Variants in ROBO1 observed in about 807,000 individuals in gnomAD.
ROBO1 encodes roundabout guidance receptor 1.
Under a neutral mutation model 195.9 loss-of-function variants are expected in ROBO1, and 149 were observed. The ratio of observed to expected loss-of-function variants is 0.76; its 90% CI spans 0.67 to 0.87. ROBO1 has a LOEUF of 0.87. Ranked by LOEUF, ROBO1 falls within the 40% of genes least tolerant of loss-of-function variation. ROBO1 has a pLI of 0.00. For synonymous variants in ROBO1, 816 were observed against 733.2 expected (o/e 1.11, Z -1.82); for missense variants, 1,933 against 2,068.3 (o/e 0.93, Z 1.27).
At chr3:78,613,324 A>C (rs1412283122) in intron 28 of ROBO1, among the ~76,000 whole-genome samples, 1 of 152,174 alleles carries the variant, frequency 6.6e-6, no homozygotes, top group African/African-American at 2.4e-5. Flanking sequence ...CTAGATAATA[A>C]AATTTGATAA....
chr3:79,700,289 G>A (rs28882200), intron 1 of ROBO1, among the ~76,000 whole-genome samples: 1,644 of 24,276 alleles, frequency 0.068, 42 homozygotes, highest in African/African-American at 0.18. Context: ...TGATGAACAC[G>A]TGTGTGTGTG....
intron 2 of ROBO1, among the ~76,000 whole-genome samples, chr3:79,253,351 A>G (rs1457174447): frequency 2.0e-5 from 3 of 152,186 alleles, no homozygotes; most frequent in African/African-American, 7.2e-5. Context: ...TAAGGTAAAC[A>G]TACCCTGGAA....
chr3:79,252,478 T>C (rs1248427346), intron 2 of ROBO1, among the ~76,000 whole-genome samples: 1 of 152,182 alleles, frequency 6.6e-6, no homozygotes, highest in Non-Finnish European at 1.5e-5. Flanking sequence ...CAAGAAAAGA[T>C]TCTTCTGGAA....
chr3:78,766,375 C>T (rs554838065), intron 4 of ROBO1, among the ~76,000 whole-genome samples: 33 of 152,190 alleles, frequency 2.2e-4, no homozygotes, highest in Admixed American at 1.1e-3. Context: ...TGCTTTAGTA[C>T]CCCAACCCCA....
intron 1 of ROBO1, among the ~76,000 whole-genome samples, chr3:79,624,645 C>G (rs959373278): frequency 1.3e-5 from 2 of 151,924 alleles, no homozygotes; most frequent in Non-Finnish European, 2.9e-5. Context: ...ACAAGAAGAG[C>G]GAACTATTAT....
chr3:79,756,767 C>T (rs1021973490), intron 1 of ROBO1, among the ~76,000 whole-genome samples: 2 of 152,044 alleles, frequency 1.3e-5, no homozygotes, highest in African/African-American at 4.8e-5. Flanking sequence ...ATGTTTTCAT[C>T]ATCCCAAACT....
intron 2 of ROBO1, among the ~76,000 whole-genome samples, chr3:79,412,632 G>T (rs1010178998): frequency 1.3e-5 from 2 of 152,216 alleles, no homozygotes; most frequent in East Asian, 3.9e-4. Flanking sequence ...GGAAAAGGGG[G>T]TGGTAAACAA....
intron 2 of ROBO1, among the ~76,000 whole-genome samples, chr3:79,569,936 T>TA (rs1362628547): frequency 6.6e-6 from 1 of 151,800 alleles, no homozygotes; most frequent in Non-Finnish European, 1.5e-5. Context: ...CCATCTCTAC[T>TA]AAAAATACAA....
At chr3:79,206,109 A>AGATCTCAT (rs2081860887) in intron 2 of ROBO1, among the ~76,000 whole-genome samples, 1 of 152,160 alleles carries the variant, frequency 6.6e-6, no homozygotes, top group Non-Finnish European at 1.5e-5. Context: ...TAGCATGATG[A>AGATCTCAT]GATCTCATGC....
At chr3:79,496,837 A>G (rs73848897) in intron 2 of ROBO1, among the ~76,000 whole-genome samples, 2,056 of 145,838 alleles carry the variant, frequency 0.014, 45 homozygotes, top group African/African-American at 0.049. Context: ...ATTAAAGTAT[A>G]CTATCACATA....
rs200733765 is a variant in ROBO1, at chr3:79,125,507, C to A, written c.121G>T (p.Gly41Trp). The A allele has an allele frequency of 1.7e-5, 27 of 1,613,478 alleles. No individual in the cohort carries two copies. The highest frequency in any genetic ancestry group is 1.1e-5 in the South Asian group (1 of 91,020). Reference protein sequence around the residue: ...PEDVERGNDHGTPIPTSDNDD... With the variant: ...PEDVERGNDHWTPIPTSDNDD... ...TTATCAGAGGTGGGGATTGGCGTCC[C>A]GTGGTCGTTCCCCCTCTCTACATCT... is the stretch of plus-strand genomic sequence containing the variant. The change falls in exon 3 of 31, where the codon GGG becomes TGG. Residue 41 changes from glycine to tryptophan, a missense_variant. Physicochemically the swap from Gly to Trp is radical, Grantham distance 184 (BLOSUM62 -2). Transcript: ENST00000464233.
chr3:79,417,991 C>G lies in ROBO1; in HGVS notation c.88+171833G>C, dbSNP rs567727246. Among the ~76,000 whole-genome samples the G allele has an allele frequency of 8.6e-4, 131 of 152,188 alleles. 1 individual carries two copies. The highest frequency in any genetic ancestry group is 6.8e-3 in the Middle Eastern group (2 of 294). ...ACTATCTCACACAAAATGGCCTCTT[C>G]ATAAGATAGATAGCCCTATGAAGCC... On this transcript the variant is annotated intron_variant, in intron 2 of 30. Coordinates refer to ENST00000464233, the MANE Select transcript of ROBO1 (RefSeq NM_002941.4).
chr3:79,000,960 T>C (rs772913196), intron 3 of ROBO1, among the ~76,000 whole-genome samples: 3 of 152,146 alleles, frequency 2.0e-5, no homozygotes, highest in Non-Finnish European at 4.4e-5. Flanking sequence ...AACAAGTACA[T>C]GTCCTTTGCA....
In ROBO1 at chr3:78,983,318, C is replaced by G. The variant is rs561335752; in HGVS notation, c.173-44391G>C. Among the ~76,000 whole-genome samples the G allele has an allele frequency of 3.3e-5, 5 of 152,316 alleles. No individual in the cohort carries two copies. In the East Asian group the frequency reaches 9.7e-4, roughly 29 times the overall value. ...ACTCCCTTCTTTTCACCTTCTCCCC[C>G]TATACACACATCTACAGGCTAATTT... On this transcript the variant is annotated intron_variant, in intron 3 of 30. Transcript: ENST00000464233.
intron 1 of ROBO1, among the ~76,000 whole-genome samples, chr3:79,621,398 A>G (rs1317362815): frequency 1.2e-4 from 19 of 152,122 alleles, no homozygotes. Flanking sequence ...TTTATTGCTC[A>G]CACAAAGCCT....
intron 1 of ROBO1, among the ~76,000 whole-genome samples, chr3:79,668,278 T>C (rs1029107729): frequency 2.0e-5 from 3 of 151,638 alleles, no homozygotes; most frequent in African/African-American, 4.8e-5. Context: ...TTGGGAAGCA[T>C]GGTTCCTTCC....
chr3:78,691,584 A>G (rs2081176557), intron 8 of ROBO1, among the ~76,000 whole-genome samples: 1 of 152,216 alleles, frequency 6.6e-6, no homozygotes, highest in Non-Finnish European at 1.5e-5. Context: ...TCTGACAAGC[A>G]TAATCAAAAT....
In ROBO1 at chr3:79,360,963, T is replaced by C. The variant is rs151155695; in HGVS notation, c.88+228861A>G. 9.3e-3 allele frequency among the ~76,000 whole-genome samples: 1,414 copies of C among 152,218 alleles called. 14 individuals are homozygous for C. The highest frequency in any genetic ancestry group is 0.016 in the Non-Finnish European group (1,102 of 67,952). On this transcript the variant is annotated intron_variant, in intron 2 of 30. Coordinates refer to ENST00000464233, the MANE Select transcript of ROBO1 (RefSeq NM_002941.4). ...GTTTTGGATTCAATAAATTGATCCA[T>C]GGTGCAGCCTTGGTTTCTATAGTTT... is the stretch of plus-strand genomic sequence containing the variant.
intron 2 of ROBO1, among the ~76,000 whole-genome samples, chr3:79,504,797 T>C (rs891183271): frequency 6.6e-5 from 10 of 152,276 alleles, no homozygotes; most frequent in Middle Eastern, 6.8e-3. Context: ...ATTTTACCAG[T>C]AATACATAAT....
Sources: allele counts gnomAD v4.1 joint callset (sites outside exome capture counted in the v4.1 genomes callset), GRCh38; gene constraint gnomAD v4.1.1; transcripts MANE v1.5; gene names NCBI Gene and HGNC (gene_info 2026-07-23, HGNC 2026-07-21).